Variants in GOLPH3 observed in about 807,000 individuals in gnomAD.
GOLPH3 encodes golgi phosphoprotein 3.
In GOLPH3, 14 loss-of-function variants were observed where a neutral mutation model predicts 28.5. The ratio of observed to expected loss-of-function variants is 0.49; its 90% CI spans 0.32 to 0.77. The LOEUF (loss-of-function observed/expected upper bound fraction) is 0.77, where lower values mean the gene tolerates loss of function less well. Among genes scored for constraint, GOLPH3 ranks in the 30% least tolerant of loss-of-function variants. GOLPH3 has a pLI of 0.03. For missense variants in GOLPH3, 350 were observed against 393.7 expected (o/e 0.89, Z 0.94); for synonymous variants, 158 against 159.2 (o/e 0.99, Z 0.06).
chr5:32,141,578 TCTCC>T (rs1382883040), intron 2 of GOLPH3, among the ~76,000 whole-genome samples: 1 of 31,878 alleles, frequency 3.1e-5, no homozygotes, highest in East Asian at 1.4e-3. Flanking sequence ...TGCAAATGAC[TCTCC>T]CTCTCCCTCT....
chr5:32,132,054 G>T lies in GOLPH3; in HGVS notation c.472+3518C>A, dbSNP rs556284987. 3.3e-5 allele frequency among the ~76,000 whole-genome samples: 5 copies of T among 152,302 alleles called. No homozygotes were observed. In the East Asian group the frequency reaches 9.6e-4, roughly 29 times the overall value. ...GCCTGTAGTCCCAGCTACTTGGGAG[G>T]CTAAGGCAGGAGGATCAACTGAGCC... On this transcript the variant is annotated intron_variant, in intron 3 of 3. Coordinates refer to ENST00000265070, the MANE Select transcript of GOLPH3 (RefSeq NM_022130.4).
At chr5:32,156,607 G>A (rs1746434221) in intron 1 of GOLPH3, among the ~76,000 whole-genome samples, 1 of 152,110 alleles carries the variant, frequency 6.6e-6, no homozygotes, top group Non-Finnish European at 1.5e-5. Flanking sequence ...TTTTTCCACG[G>A]ACTGGAGCGG....
At chr5:32,141,736 C>T (rs1263572584) in intron 2 of GOLPH3, among the ~76,000 whole-genome samples, 7 of 152,144 alleles carry the variant, frequency 4.6e-5, no homozygotes, top group East Asian at 1.9e-4. Flanking sequence ...CGAGTGCCTG[C>T]GATTGCAGGC....
At chr5:32,156,192 T>C (rs1458485999) in intron 1 of GOLPH3, among the ~76,000 whole-genome samples, 1 of 151,734 alleles carries the variant, frequency 6.6e-6, no homozygotes, top group Admixed American at 6.6e-5. Flanking sequence ...ACTCCAGAAC[T>C]GTGAGAAATA....
rs561794054 is a variant in GOLPH3 at position 32,141,856 on chromosome 5, G to A, written c.357+1893C>T. On this transcript the variant is annotated intron_variant, in intron 2 of 3. Coordinates refer to ENST00000265070, the MANE Select transcript of GOLPH3 (RefSeq NM_022130.4). ...TAACCGCGAGTGATCCGCCAGCCTC[G>A]GCCTCCCGAGGTGCCGGGATTGCAG... is the stretch of plus-strand genomic sequence containing the variant. Among the ~76,000 whole-genome samples the A allele has an allele frequency of 3.3e-3, 501 of 151,866 alleles. 3 individuals are homozygous for A. The highest frequency in any genetic ancestry group is 5.3e-3 in the Non-Finnish European group (363 of 67,932).
intron 3 of GOLPH3, among the ~76,000 whole-genome samples, chr5:32,127,216 C>A (rs1385660427): frequency 6.6e-6 from 1 of 152,066 alleles, no homozygotes. Flanking sequence ...AAAATAAAAC[C>A]AAACGATTTT....
rs147714399 is a variant in GOLPH3 at position 32,126,236 on chromosome 5, C to T, written c.873G>A (p.Ala291=). ...LKANTNEVLW[A]VVAAFTK is the part of the protein sequence containing the mutation. ...GTTACTTGGTGAACGCCGCCACCAC[C>T]GCCCACAGAACCTCATTGGTGTTGG... The change falls in exon 4 of 4, where the codon GCG becomes GCA. Residue 291 remains alanine, a synonymous_variant. Coordinates refer to ENST00000265070, the MANE Select transcript of GOLPH3 (RefSeq NM_022130.4). 5.0e-6 allele frequency: 8 copies of T among 1,611,112 alleles called. No homozygotes were observed. Among genetic ancestry groups the T allele is most frequent in the South Asian group, 2.2e-5 (2 of 91,058 alleles).
chr5:32,138,538 C>T (rs954833560), intron 2 of GOLPH3, among the ~76,000 whole-genome samples: 24 of 152,066 alleles, frequency 1.6e-4, no homozygotes, highest in African/African-American at 5.8e-4. Flanking sequence ...CCTCCCCGCT[C>T]TTAAATTTTC....
rs768787023 is a variant in GOLPH3 at position 32,126,524 on chromosome 5, T to C, written c.585A>G (p.Leu195=). 14 of 1,614,166 alleles carry C rather than the reference T, an allele frequency of 8.7e-6. No homozygotes were observed. The highest frequency in any genetic ancestry group is 1.1e-5 in the Non-Finnish European group (13 of 1,180,016). The change falls in exon 4 of 4, where the codon CTA becomes CTG. Residue 195 remains leucine (L), a synonymous_variant. Transcript: ENST00000265070. The part of the protein sequence containing the change: ...GVLTTEKQNF[L]LFDMTTHPLT... ...GGGGATGTGTTGTCATGTCAAAAAG[T>C]AGGAAGTTCTGTTTCTCTGTTGTCA...
At position 32,125,202 on chromosome 5, in the gene GOLPH3, T is replaced by G. The variant is rs182240343; in HGVS notation, c.*1010A>C. The stretch of plus-strand genomic sequence containing the variant: ...AATGTGTGAGTAGATAAATGACATT[T>G]CAGAGCAGATATTAATTTACTTGTG... On this transcript the variant is annotated 3_prime_UTR_variant, in exon 4 of 4. Transcript: ENST00000265070. 81 of 152,740 alleles carry G rather than the reference T, an allele frequency of 5.3e-4. No individual in the cohort carries two copies. Among genetic ancestry groups the G allele is most frequent in the African/African-American group, 1.9e-3 (79 of 41,572 alleles). 9.5% of individuals were successfully genotyped at this position (152,740 alleles called of 1,614,324 possible). A position where few individuals can be genotyped will look rare whatever the true frequency, so the allele number is the denominator to read the frequency against.
chr5:32,139,272 G>C lies in GOLPH3; in HGVS notation c.358-3586C>G, dbSNP rs145542581. ...ATTTACATTGTATTAGGTATTGTAA[G>C]TAATCTGGGGGTGACATAAAGTATA... is the stretch of plus-strand genomic sequence containing the variant. On this transcript the variant is annotated intron_variant, in intron 2 of 3. Coordinates refer to ENST00000265070, the MANE Select transcript of GOLPH3 (RefSeq NM_022130.4). 2.6e-5 allele frequency among the ~76,000 whole-genome samples: 4 copies of C among 152,284 alleles called. No individual in the cohort carries two copies. In the East Asian group the frequency reaches 7.7e-4, roughly 29 times the overall value.
At chr5:32,147,276 G>C (rs1746198135) in intron 1 of GOLPH3, among the ~76,000 whole-genome samples, 1 of 152,116 alleles carries the variant, frequency 6.6e-6, no homozygotes, top group South Asian at 2.1e-4. Context: ...TCCTGACCTT[G>C]AAGCATTTTA....
At chr5:32,136,564 C>T (rs989741232) in intron 2 of GOLPH3, among the ~76,000 whole-genome samples, 12 of 151,666 alleles carry the variant, frequency 7.9e-5, no homozygotes, top group African/African-American at 2.2e-4. Flanking sequence ...CATCACCGAA[C>T]CTTGGACTAT....
intron 2 of GOLPH3, among the ~76,000 whole-genome samples, chr5:32,142,884 T>C (rs983446922): frequency 6.6e-6 from 1 of 150,874 alleles, no homozygotes; most frequent in African/African-American, 2.5e-5. Flanking sequence ...GGGGCGCCTC[T>C]GCCCGGCCGC....
chr5:32,126,392 G>A lies in GOLPH3; in HGVS notation c.717C>T (p.Leu239=), dbSNP rs1745680907. The A allele has an allele frequency of 1.9e-6, 3 of 1,614,078 alleles. No homozygotes were observed. Among genetic ancestry groups the A allele is most frequent in the East Asian group, 2.2e-5 (1 of 44,902 alleles). Residue 239 remains leucine, a synonymous_variant, in exon 4 of 4, where the codon CTC becomes CTT. Transcript: ENST00000265070. The stretch of plus-strand genomic sequence containing the variant: ...CGTCCGAGGCATGAGCCAGGTAAAT[G>A]AGGGCCAGCAAGCGCCTGTCCATGC... ...PHRMDRRLLA[L]IYLAHASDVL...
At chr5:32,170,467 A>G (rs1417141668) in intron 1 of GOLPH3, among the ~76,000 whole-genome samples, 1 of 152,262 alleles carries the variant, frequency 6.6e-6, no homozygotes, top group African/African-American at 2.4e-5. Context: ...GAATCCAGAC[A>G]TTAAAAAGAT....
intron 2 of GOLPH3, among the ~76,000 whole-genome samples, chr5:32,143,229 T>G (rs953144220): frequency 6.1e-4 from 93 of 152,090 alleles, no homozygotes; most frequent in African/African-American, 2.1e-3. Flanking sequence ...AGATGTGCTT[T>G]GTTAAACAGA....
At chr5:32,134,455 C>T (rs754784596) in intron 3 of GOLPH3, among the ~76,000 whole-genome samples, 7 of 151,670 alleles carry the variant, frequency 4.6e-5, no homozygotes, top group South Asian at 4.2e-4. Flanking sequence ...GAGATTCACC[C>T]GCCTCAGCCT....
chr5:32,143,915 G>C (rs1424587476), intron 1 of GOLPH3, 35 bp from the exon 2 acceptor site: 4 of 1,393,066 alleles, frequency 2.9e-6, no homozygotes, highest in Non-Finnish European at 3.8e-6. Context: ...AAACAAAATA[G>C]CTAATTTACC....
Sources: allele counts gnomAD v4.1 joint callset (sites outside exome capture counted in the v4.1 genomes callset), GRCh38; gene constraint gnomAD v4.1.1; transcripts MANE v1.5; gene names NCBI Gene and HGNC (gene_info 2026-07-23, HGNC 2026-07-21).